CHST8: variants seen among roughly 807,000 people sequenced by gnomAD.
CHST8 encodes carbohydrate sulfotransferase 8.
A neutral mutation model predicts 15.0 loss-of-function variants in CHST8; 10 were observed. That is an observed-to-expected ratio of 0.67 (90% CI 0.41 to 1.13). The LOEUF (loss-of-function observed/expected upper bound fraction) is 1.13. CHST8 is among the 50% of genes most tolerant of loss of function. The probability of loss-of-function intolerance (pLI) is 0.00; values close to 1 mark genes in which losing one functional copy is unlikely to be tolerated. For synonymous variants in CHST8, 259 were observed against 256.6 expected (o/e 1.01, Z -0.09); for missense variants, 634 against 608.2 (o/e 1.04, Z -0.45).
chr19:33,675,396 A>G (rs1972795924), intron 2 of CHST8, among the ~76,000 whole-genome samples: 1 of 152,196 alleles, frequency 6.6e-6, no homozygotes, highest in Non-Finnish European at 1.5e-5. Flanking sequence ...CTCTCAGGAT[A>G]AAACCTGCCC....
At chr19:33,769,359 G>C (rs1372981096) in intron 3 of CHST8, among the ~76,000 whole-genome samples, 1 of 152,250 alleles carries the variant, frequency 6.6e-6, no homozygotes, top group African/African-American at 2.4e-5. Flanking sequence ...ACCTTGATGA[G>C]ATGACAGGAG....
At chr19:33,754,952 G>T (rs1463826423) in intron 3 of CHST8, among the ~76,000 whole-genome samples, 1 of 152,184 alleles carries the variant, frequency 6.6e-6, no homozygotes, top group African/African-American at 2.4e-5. Flanking sequence ...AGGGGCACCT[G>T]TCTGCAGCCT....
intron 3 of CHST8, among the ~76,000 whole-genome samples, chr19:33,690,014 T>G (rs1476567342): frequency 6.6e-6 from 1 of 151,782 alleles, no homozygotes; most frequent in South Asian, 2.1e-4. Context: ...AGACGGAGTG[T>G]GGAGAGGGAG....
intron 2 of CHST8, among the ~76,000 whole-genome samples, chr19:33,679,895 C>G (rs1368919202): frequency 6.6e-6 from 1 of 152,180 alleles, no homozygotes; most frequent in Non-Finnish European, 1.5e-5. Context: ...GAGGGGCTGC[C>G]TCATCTGAGA....
intron 2 of CHST8, among the ~76,000 whole-genome samples, chr19:33,677,793 G>A (rs1412185935): frequency 6.6e-6 from 1 of 152,234 alleles, no homozygotes; most frequent in African/African-American, 2.4e-5. Context: ...GGAACACACA[G>A]GAGGGTGCCT....
At chr19:33,650,495 CTTTTTCTTTTTCTTTTTCTTTTCT>C (rs1972424573) in intron 1 of CHST8, among the ~76,000 whole-genome samples, 1 of 44,102 alleles carries the variant, frequency 2.3e-5, no homozygotes, top group Non-Finnish European at 4.9e-5. Flanking sequence ...TTTTTCTTTT[CTTTTTCTTTTTCTTTTTCTTTTCT>C]TTTTTTTTTT....
intron 3 of CHST8, among the ~76,000 whole-genome samples, chr19:33,756,706 C>T (rs1375915404): frequency 6.6e-6 from 1 of 152,188 alleles, no homozygotes; most frequent in Non-Finnish European, 1.5e-5. Flanking sequence ...CAGATGTCCC[C>T]ACTCCTCACC....
chr19:33,695,821 C>CTTTCTTTCTTTTTTTTTTTTTTTTTT (rs57718433), intron 3 of CHST8, among the ~76,000 whole-genome samples: 1 of 76,232 alleles, frequency 1.3e-5, no homozygotes, highest in Non-Finnish European at 2.5e-5. Flanking sequence ...TTCTTTCTTT[C>CTTTCTTTCTTTTTTTTTTTTTTTTTT]TTTTTTTTTT....
chr19:33,694,067 C>T (rs2145264741), intron 3 of CHST8, among the ~76,000 whole-genome samples: 1 of 104,954 alleles, frequency 9.5e-6, no homozygotes, highest in African/African-American at 3.8e-5. Context: ...TACAATGTTA[C>T]CATACAGATT....
At chr19:33,756,180 A>C (rs1599627299) in intron 3 of CHST8, among the ~76,000 whole-genome samples, 1 of 152,312 alleles carries the variant, frequency 6.6e-6, no homozygotes, top group East Asian at 1.9e-4. Context: ...TACTGTGATG[A>C]TGGCCAATTC....
intron 3 of CHST8, among the ~76,000 whole-genome samples, chr19:33,744,949 G>A (rs1475329981): frequency 4.6e-5 from 7 of 152,030 alleles, no homozygotes; most frequent in African/African-American, 9.7e-5. Flanking sequence ...GGGTTTCACC[G>A]TGTTGGCCAG....
At chr19:33,634,677 CAAAAAAAAAAAA>C (rs3040761) in intron 1 of CHST8, among the ~76,000 whole-genome samples, 2 of 52,354 alleles carry the variant, frequency 3.8e-5, no homozygotes, top group Admixed American at 3.2e-4. Flanking sequence ...GTCACGAAAC[CAAAAAAAAAAAA>C]AAAAAAAAAA....
At chr19:33,718,222 C>CTT (rs369864953) in intron 3 of CHST8, among the ~76,000 whole-genome samples, 1 of 143,210 alleles carries the variant, frequency 7.0e-6, no homozygotes, top group Admixed American at 7.1e-5. Context: ...TTTTTTCTTT[C>CTT]TTTTTTTTTT....
At chr19:33,708,125 A>T (rs559134019) in intron 3 of CHST8, among the ~76,000 whole-genome samples, 4 of 152,230 alleles carry the variant, frequency 2.6e-5, no homozygotes, top group African/African-American at 9.6e-5. Flanking sequence ...TTGTGTTGTA[A>T]TTATTTTCTA....
At position 33,772,294 on chromosome 19, in the gene CHST8, C is replaced by G; in HGVS notation, c.506C>G (p.Ala169Gly). ...VMQEACAKYRASSSRRAVTPR... is the reference protein window; with the variant it reads ...VMQEACAKYRGSSSRRAVTPR... ...CAGGAGGCCTGCGCCAAGTACCGGG[C>G]GAGCAGCAGCCGCCGGGCCGTCACG... is the stretch of plus-strand genomic sequence containing the variant. Residue 169 changes from alanine (A) to glycine (G), a missense_variant, in exon 5 of 5, where the codon GCG becomes GGG. Physicochemically the swap from Ala to Gly is moderately conservative, Grantham distance 60 (BLOSUM62 0). Coordinates refer to ENST00000650847, the MANE Select transcript of CHST8 (RefSeq NM_001127895.2). 6.2e-7 allele frequency: 1 copy of G among 1,602,108 alleles called. No individual in the cohort carries two copies. The highest frequency in any genetic ancestry group is 8.5e-7 in the Non-Finnish European group (1 of 1,178,884).
rs114198938 is a variant in CHST8 at position 33,726,160 on chromosome 19, C to T, written c.130+36769C>T. On this transcript the variant is annotated intron_variant, in intron 3 of 4. Transcript: ENST00000650847. ...CTCTTGAGATGACTGTGCTTTGTGG[C>T]CAGGAGTGGAAGGTGTGGTGGTAGA... Among the ~76,000 whole-genome samples, 1,418 of 152,224 alleles carry T rather than the reference C, an allele frequency of 9.3e-3. 22 individuals carry two copies. The highest frequency in any genetic ancestry group is 0.032 in the African/African-American group (1,331 of 41,558).
chr19:33,772,630 C>T lies in CHST8; in HGVS notation c.842C>T (p.Pro281Leu). 2 of 1,614,012 alleles carry T rather than the reference C, an allele frequency of 1.2e-6. No individual in the cohort carries two copies. Among genetic ancestry groups the T allele is most frequent in the Non-Finnish European group, 1.7e-6 (2 of 1,180,042 alleles). ...GAGCACCCCAACAGCTACTATCACC[C>T]GGTCTTCGGCAAGGCCATCCTGGCC... is the stretch of plus-strand genomic sequence containing the variant. Reference protein sequence around the residue: ...KFEHPNSYYHPVFGKAILARY... With the variant: ...KFEHPNSYYHLVFGKAILARY... The change falls in exon 5 of 5, where the codon CCG becomes CTG. Residue 281 changes from proline to leucine, a missense_variant. Coordinates refer to ENST00000650847, the MANE Select transcript of CHST8 (RefSeq NM_001127895.2).
At chr19:33,750,944 G>A (rs2002752) in intron 3 of CHST8, among the ~76,000 whole-genome samples, 3,173 of 151,772 alleles carry the variant, frequency 0.021, 55 homozygotes, top group Non-Finnish European at 0.026. Flanking sequence ...AGCCAGGGAG[G>A]GCCTGAGGAT....
intron 3 of CHST8, among the ~76,000 whole-genome samples, chr19:33,752,324 A>G (rs996789156): frequency 6.6e-6 from 1 of 152,240 alleles, no homozygotes; most frequent in African/African-American, 2.4e-5. Context: ...CTCTCTGCCA[A>G]GATGACACGT....
Sources: gnomAD v4.1 joint callset for allele counts (sites outside exome capture counted in the v4.1 genomes callset) on GRCh38, gnomAD v4.1.1 for gene constraint, MANE v1.5 for transcripts, NCBI Gene and HGNC (gene_info 2026-07-23, HGNC 2026-07-21) for gene names.